Variants in GABBR2 observed in about 807,000 individuals in gnomAD.
GABBR2 encodes G-protein coupled receptor 51.
Under a neutral mutation model 105.6 loss-of-function variants are expected in GABBR2, and 23 were observed. That is an observed-to-expected ratio of 0.22 (90% CI 0.16 to 0.31). GABBR2 has a LOEUF of 0.31. Among genes scored for constraint, GABBR2 ranks in the 10% least tolerant of loss-of-function variants. The pLI is 1.00. For missense variants in GABBR2, 734 were observed against 1,245.5 expected, an observed-to-expected ratio of 0.59 and a Z score of 6.18; for synonymous variants, 478 against 499.7, an observed-to-expected ratio of 0.96 and a Z score of 0.58.
At chr9:98,422,616 CT>C (rs201361532) in intron 7 of GABBR2, among the ~76,000 whole-genome samples, 4,661 of 150,700 alleles carry the variant, frequency 0.031, 137 homozygotes, top group East Asian at 0.15. Context: ...AAGCACACTG[CT>C]TTTTTTTTAA....
intron 13 of GABBR2, among the ~76,000 whole-genome samples, chr9:98,360,240 T>C (rs540197274): frequency 6.6e-6 from 1 of 152,302 alleles, no homozygotes; most frequent in African/African-American, 2.4e-5. Flanking sequence ...CTGGGCACAC[T>C]GTTCAACTAC....
Position 98,436,327 on chromosome 9 carries a change from TATATACACACACACACACA to T in GABBR2, c.1236+17635_1236+17653del, listed in dbSNP as rs1290946370. Among the ~76,000 whole-genome samples, 12 of 47,616 alleles carry T rather than the reference TATATACACACACACACACA, an allele frequency of 2.5e-4. 2 individuals carry two copies. Among genetic ancestry groups the T allele is most frequent in the South Asian group, 6.7e-4 (1 of 1,494 alleles). The allele number at this position is 47,616 out of a possible 152,430, so 31.2% of individuals were successfully genotyped here. A position where few individuals can be genotyped will look rare whatever the true frequency, so the allele number is the denominator to read the frequency against. On this transcript the variant is annotated intron_variant, in intron 7 of 18. Transcript: ENST00000259455. ...TACCCATAAATATACCATATATATA[TATATACACACACACACACA>T]CCATATATATATATATATATATATA... is the stretch of plus-strand genomic sequence containing the variant.
chr9:98,579,009 T>C (rs1262243508), intron 1 of GABBR2, among the ~76,000 whole-genome samples: 2 of 152,070 alleles, frequency 1.3e-5, no homozygotes, highest in African/African-American at 2.4e-5. Context: ...TCAGTGGGGA[T>C]GATGGAAGTG....
chr9:98,630,473 C>T (rs1547272), intron 1 of GABBR2, among the ~76,000 whole-genome samples: 104,423 of 152,056 alleles, frequency 0.69, 36,632 homozygotes, highest in Middle Eastern at 0.81. Context: ...CTGACACAGG[C>T]ATTGTGAGGA....
chr9:98,706,785 TC>T (rs1830900502), intron 1 of GABBR2, among the ~76,000 whole-genome samples: 1 of 152,196 alleles, frequency 6.6e-6, no homozygotes, highest in Non-Finnish European at 1.5e-5. Flanking sequence ...CAGTGACCCC[TC>T]CAGAAGAATA....
intron 3 of GABBR2, among the ~76,000 whole-genome samples, chr9:98,533,674 G>T (rs996791045): frequency 6.6e-5 from 10 of 152,166 alleles, no homozygotes; most frequent in Admixed American, 5.2e-4. Flanking sequence ...GAAGCAAATG[G>T]TGTCTTGTGC....
Position 98,454,062 on chromosome 9 carries a change from G to A in GABBR2, c.1155C>T (p.Ile385=), listed in dbSNP as rs1247083606. Reference sequence around the variant, plus strand: ...TGTGGTCCGTGTAGTTGAAGTCCTGGATCCGCTGGTGCCGGCTGCTGGCAT... The same window carrying A: ...TGTGGTCCGTGTAGTTGAAGTCCTGAATCCGCTGGTGCCGGCTGCTGGCAT... ...TLHASSRHQR[I]QDFNYTDHTL... is the part of the protein sequence containing the mutation. The change falls in exon 7 of 19, where the codon ATC becomes ATT. Residue 385 remains isoleucine (I), a synonymous_variant. Transcript: ENST00000259455. This position sits in a 1 kb window ranked among gnomAD's most constrained non-coding sequence, Gnocchi z 4.6. The A allele has an allele frequency of 3.7e-6, 6 of 1,614,194 alleles. No homozygotes were observed. Among genetic ancestry groups the A allele is most frequent in the Middle Eastern group, 1.6e-4 (1 of 6,062 alleles).
intron 9 of GABBR2, among the ~76,000 whole-genome samples, chr9:98,389,309 C>T (rs1404195409): frequency 6.6e-6 from 1 of 152,166 alleles, no homozygotes; most frequent in Non-Finnish European, 1.5e-5. Flanking sequence ...CATTTATCCC[C>T]CAAGGCAACA....
intron 13 of GABBR2, among the ~76,000 whole-genome samples, chr9:98,331,918 G>A (rs1831033466): frequency 6.6e-6 from 1 of 152,204 alleles, no homozygotes; most frequent in South Asian, 2.1e-4. Context: ...GGGGAAGTGA[G>A]GACAATACAC....
At chr9:98,598,254 G>A (rs1829266934) in intron 1 of GABBR2, among the ~76,000 whole-genome samples, 3 of 152,312 alleles carry the variant, frequency 2.0e-5, no homozygotes, top group South Asian at 4.1e-4. Flanking sequence ...TCTTGGAGGA[G>A]CAGGCTTTTG....
At chr9:98,543,258 A>C (rs1828337544) in intron 2 of GABBR2, among the ~76,000 whole-genome samples, 1 of 151,992 alleles carries the variant, frequency 6.6e-6, no homozygotes, top group Non-Finnish European at 1.5e-5. Flanking sequence ...TGATCTTTGC[A>C]GTATGATGGT....
chr9:98,657,107 T>C (rs1830194389), intron 1 of GABBR2, among the ~76,000 whole-genome samples: 1 of 152,244 alleles, frequency 6.6e-6, no homozygotes, highest in African/African-American at 2.4e-5. Flanking sequence ...CACGTTTACC[T>C]GTGGTAACAA....
intron 1 of GABBR2, among the ~76,000 whole-genome samples, chr9:98,659,577 A>C (rs576661076): frequency 4.4e-4 from 57 of 129,000 alleles, no homozygotes; most frequent in Non-Finnish European, 8.4e-4. Context: ...GCTGGAGTGC[A>C]GTGGCACGAT....
chr9:98,449,350 T>G (rs182185377), intron 7 of GABBR2, among the ~76,000 whole-genome samples: 1 of 151,998 alleles, frequency 6.6e-6, no homozygotes, highest in Admixed American at 6.6e-5. Flanking sequence ...AGGGACCGTA[T>G]GTTATTCCTC....
chr9:98,648,083 G>GCGTA (rs1830051112), intron 1 of GABBR2, among the ~76,000 whole-genome samples: 1 of 67,406 alleles, frequency 1.5e-5, no homozygotes, highest in Non-Finnish European at 2.9e-5. Flanking sequence ...CATACAGGGT[G>GCGTA]TGTGTGTGTG....
chr9:98,323,500 G>C (rs952008422), intron 13 of GABBR2, among the ~76,000 whole-genome samples: 3 of 152,230 alleles, frequency 2.0e-5, no homozygotes, highest in African/African-American at 7.2e-5. Flanking sequence ...CCCTGGGCCA[G>C]ACTCCTCTGG....
At chr9:98,606,155 T>G (rs570972799) in intron 1 of GABBR2, among the ~76,000 whole-genome samples, 1 of 152,376 alleles carries the variant, frequency 6.6e-6, no homozygotes, top group South Asian at 2.1e-4. Context: ...TGCCACATTT[T>G]CTTAATCCAG....
At chr9:98,459,126 A>G (rs1167022064) in intron 6 of GABBR2, among the ~76,000 whole-genome samples, 1 of 152,198 alleles carries the variant, frequency 6.6e-6, no homozygotes, top group Non-Finnish European at 1.5e-5. Flanking sequence ...CAGCCCCTCA[A>G]AGAGCCAAAG....
At chr9:98,343,074 C>A (rs186674964) in intron 13 of GABBR2, among the ~76,000 whole-genome samples, 2 of 152,336 alleles carry the variant, frequency 1.3e-5, no homozygotes, top group East Asian at 3.9e-4. Flanking sequence ...AGGCTCAAAG[C>A]CAAGTGTAGT....
Sources: allele counts gnomAD v4.1 joint callset (sites outside exome capture counted in the v4.1 genomes callset), GRCh38; gene constraint gnomAD v4.1.1; non-coding constraint Gnocchi (gnomAD v3.1); transcripts MANE v1.5; gene names NCBI Gene and HGNC (gene_info 2026-07-23, HGNC 2026-07-21).